Variants in DSCAM observed in about 807,000 individuals in gnomAD.
The protein encoded by DSCAM is cell adhesion molecule DSCAM.
In DSCAM, 47 loss-of-function variants were observed where a neutral mutation model predicts 217.7. The ratio of observed to expected loss-of-function variants is 0.22; its 90% CI spans 0.17 to 0.28. The LOEUF (loss-of-function observed/expected upper bound fraction) is 0.28, where lower values mean the gene tolerates loss of function less well. Ranked by LOEUF, DSCAM falls within the 10% of genes least tolerant of loss-of-function variation. The probability of loss-of-function intolerance (pLI) is 1.00; values close to 1 mark genes in which losing one functional copy is unlikely to be tolerated. For missense variants in DSCAM, 2,080 were observed against 2,618.3 expected (o/e 0.79, Z 4.49); for synonymous variants, 1,056 against 1,015.3 (o/e 1.04, Z -0.76).
intron 6 of DSCAM, among the ~76,000 whole-genome samples, chr21:40,345,421 G>A (rs774031121): frequency 1.6e-4 from 24 of 152,086 alleles, no homozygotes; most frequent in Admixed American, 9.2e-4. Flanking sequence ...ATATACTTTT[G>A]CTTTTCCCAA....
chr21:40,487,322 TGTGTGAGAGA>T (rs1465503411), intron 3 of DSCAM, among the ~76,000 whole-genome samples: 4,603 of 138,282 alleles, frequency 0.033, 127 homozygotes, highest in African/African-American at 0.074. Context: ...TGTGTGTGTG[TGTGTGAGAGA>T]GAGAGAGAGA....
At chr21:40,561,745 C>T (rs1156478584) in intron 3 of DSCAM, among the ~76,000 whole-genome samples, 8 of 152,156 alleles carry the variant, frequency 5.3e-5, no homozygotes, top group African/African-American at 1.4e-4. Flanking sequence ...ACAATAATGA[C>T]GAGACCGAGT....
At chr21:40,412,421 T>C (rs1269315117) in intron 3 of DSCAM, among the ~76,000 whole-genome samples, 1 of 152,190 alleles carries the variant, frequency 6.6e-6, no homozygotes, top group East Asian at 1.9e-4. Context: ...CTGATAATTA[T>C]ATGGACAATG....
intron 1 of DSCAM, among the ~76,000 whole-genome samples, chr21:40,843,983 A>G (rs961102461): frequency 6.6e-6 from 1 of 152,112 alleles, no homozygotes; most frequent in Non-Finnish European, 1.5e-5. Flanking sequence ...AATGAAAAAA[A>G]AAAGTTATCA....
intron 3 of DSCAM, among the ~76,000 whole-genome samples, chr21:40,679,492 C>T (rs7280977): frequency 0.43 from 65,743 of 152,100 alleles, 14,779 homozygotes; most frequent in East Asian, 0.58. Context: ...GTGGGGCCGA[C>T]AAAAGCAATT....
intron 3 of DSCAM, among the ~76,000 whole-genome samples, chr21:40,580,710 T>C (rs1228168037): frequency 2.6e-5 from 4 of 152,028 alleles, no homozygotes; most frequent in Non-Finnish European, 5.9e-5. Context: ...GAAAGGCGGG[T>C]GGGCTGGAAG....
At chr21:40,467,699 T>C (rs1254981774) in intron 3 of DSCAM, among the ~76,000 whole-genome samples, 3 of 152,168 alleles carry the variant, frequency 2.0e-5, no homozygotes, top group African/African-American at 7.2e-5. Context: ...TAGTAAGCAG[T>C]AACTTATCTA....
intron 3 of DSCAM, among the ~76,000 whole-genome samples, chr21:40,658,783 C>T (rs540345938): frequency 6.6e-6 from 1 of 152,086 alleles, no homozygotes; most frequent in Non-Finnish European, 1.5e-5. Flanking sequence ...AATGAAAATG[C>T]CAATCACAGA....
At chr21:40,549,034 T>G (rs1366553070) in intron 3 of DSCAM, among the ~76,000 whole-genome samples, 2 of 152,068 alleles carry the variant, frequency 1.3e-5, no homozygotes, top group African/African-American at 4.8e-5. Context: ...TGAAACCCCA[T>G]CTCTACCAAA....
At chr21:40,350,740 A>G (rs2074620841) in intron 5 of DSCAM, among the ~76,000 whole-genome samples, 1 of 152,138 alleles carries the variant, frequency 6.6e-6, no homozygotes, top group African/African-American at 2.4e-5. Flanking sequence ...TGGGAACCAC[A>G]TGAATTAAGG....
At chr21:40,639,404 A>G (rs896209385) in intron 3 of DSCAM, among the ~76,000 whole-genome samples, 2 of 152,200 alleles carry the variant, frequency 1.3e-5, no homozygotes, top group African/African-American at 4.8e-5. Context: ...CTGACAAAGT[A>G]TGAGCAGTAC....
intron 1 of DSCAM, among the ~76,000 whole-genome samples, chr21:40,732,940 G>A (rs548409045): frequency 5.9e-5 from 9 of 152,256 alleles, no homozygotes; most frequent in Non-Finnish European, 7.4e-5. Flanking sequence ...CAGGTCAGAC[G>A]ATGCATAAAG....
chr21:40,398,820 G>A (rs1601612987), intron 3 of DSCAM, among the ~76,000 whole-genome samples: 1 of 151,836 alleles, frequency 6.6e-6, no homozygotes, highest in Middle Eastern at 3.4e-3. Context: ...TTTTTAGTAG[G>A]GACGGGATCT....
chr21:40,282,098 G>T (rs988674841), intron 10 of DSCAM, among the ~76,000 whole-genome samples: 18 of 152,048 alleles, frequency 1.2e-4, no homozygotes, highest in East Asian at 1.9e-4. Context: ...GAGGATAATA[G>T]ATTTATTGGA....
At chr21:40,502,685 C>G (rs572686747) in intron 3 of DSCAM, among the ~76,000 whole-genome samples, 6 of 152,248 alleles carry the variant, frequency 3.9e-5, no homozygotes, top group African/African-American at 1.4e-4. Flanking sequence ...GGACTCTTGT[C>G]ATGACATTGG....
rs1245526915 is a variant in DSCAM, at chr21:40,347,789, C to T, written c.1091G>A (p.Gly364Glu). The change falls in exon 6 of 33, where the codon GGG becomes GAG. Residue 364 changes from glycine (G) to glutamate (E), a missense_variant. This residue lies in a region of DSCAM where 568 missense variants were observed against 678.1 expected (regional missense o/e 0.84). Transcript: ENST00000400454. Reference sequence around the variant, plus strand: ...CATTATAAGGTTTTCGTGGTTGATCCCTGTGATCCTCACATTTTTTCCAGG... The same window carrying T: ...CATTATAAGGTTTTCGTGGTTGATCTCTGTGATCCTCACATTTTTTCCAGG... The part of the protein sequence containing the change: ...LNPGKNVRIT[G>E]INHENLIMDH... The T allele has an allele frequency of 6.2e-7, 1 of 1,614,044 alleles. No homozygotes were observed. The highest frequency in any genetic ancestry group is 1.3e-5 in the African/African-American group (1 of 74,920).
intron 14 of DSCAM, among the ~76,000 whole-genome samples, chr21:40,180,814 T>C (rs1271519423): frequency 3.9e-5 from 6 of 151,910 alleles, no homozygotes; most frequent in African/African-American, 1.5e-4. Context: ...TGAGTGTCCA[T>C]GACTGCAGTC....
chr21:40,332,433 T>C (rs1251170907), intron 8 of DSCAM, among the ~76,000 whole-genome samples: 1 of 152,216 alleles, frequency 6.6e-6, no homozygotes, highest in East Asian at 1.9e-4. Context: ...AGTCACTGTA[T>C]TAATTAAGGT....
chr21:40,309,007 T>C (rs1035993364), intron 9 of DSCAM, among the ~76,000 whole-genome samples: 1 of 152,156 alleles, frequency 6.6e-6, no homozygotes, highest in African/African-American at 2.4e-5. Flanking sequence ...TTTGATCCTG[T>C]AATAATCTCC....
Sources: gnomAD v4.1 joint callset for allele counts (sites outside exome capture counted in the v4.1 genomes callset) on GRCh38, gnomAD v4.1.1 for gene constraint, gnomAD v4.1.1 regional missense constraint, MANE v1.5 for transcripts, NCBI Gene and HGNC (gene_info 2026-07-23, HGNC 2026-07-21) for gene names.